The following BBX variants were observed in gnomAD, a reference collection of about 807,000 sequenced individuals.
BBX encodes the protein BBX high mobility group box domain containing.
BBX carries 30 observed loss-of-function variants against 100.2 expected under a neutral mutation model. The ratio of observed to expected loss-of-function variants is 0.30; its 90% confidence interval spans 0.22 to 0.41. The LOEUF (loss-of-function observed/expected upper bound fraction) is 0.41. Ranked by LOEUF, BBX falls within the 10% of genes least tolerant of loss-of-function variation. The probability of loss-of-function intolerance (pLI) is 1.00; values close to 1 mark genes in which losing one functional copy is unlikely to be tolerated. For synonymous variants in BBX, 376 were observed against 388.1 expected (o/e 0.97, Z 0.37); for missense variants, 1,023 against 1,129.8 (o/e 0.91, Z 1.35).
intron 13 of BBX, among the ~76,000 whole-genome samples, chr3:107,788,659 T>C (rs1476792690): frequency 2.0e-5 from 3 of 151,450 alleles, no homozygotes; most frequent in African/African-American, 7.3e-5. Context: ...CCTGTAGTCC[T>C]AGTTACTCAG....
At chr3:107,753,097 C>G (rs1189138544) in intron 9 of BBX, among the ~76,000 whole-genome samples, 1 of 152,030 alleles carries the variant, frequency 6.6e-6, no homozygotes, top group Non-Finnish European at 1.5e-5. Flanking sequence ...GAAGAGCCAG[C>G]AAAGAAGAAC....
chr3:107,731,928 A>G (rs914825738), intron 6 of BBX, among the ~76,000 whole-genome samples: 10 of 152,170 alleles, frequency 6.6e-5, no homozygotes, highest in Non-Finnish European at 1.2e-4. Context: ...ACTAGGAGAG[A>G]TGCCGAGTTA....
At chr3:107,624,989 A>G (rs1336665797) in intron 2 of BBX, among the ~76,000 whole-genome samples, 4 of 152,206 alleles carry the variant, frequency 2.6e-5, no homozygotes, top group African/African-American at 9.6e-5. Context: ...TGATAATTCT[A>G]TTATTTTATT....
chr3:107,615,763 T>C (rs1354670170), intron 2 of BBX, among the ~76,000 whole-genome samples: 1 of 152,136 alleles, frequency 6.6e-6, no homozygotes, highest in Admixed American at 6.5e-5. Flanking sequence ...GATACCTAGA[T>C]TGAGATATTC....
chr3:107,644,399 G>A (rs989311050), intron 2 of BBX, among the ~76,000 whole-genome samples: 21 of 151,762 alleles, frequency 1.4e-4, no homozygotes, highest in African/African-American at 9.7e-5. Flanking sequence ...TTTACTTGAC[G>A]TTTATTTACA....
chr3:107,622,821 A>G (rs1267053433), intron 2 of BBX, among the ~76,000 whole-genome samples: 1 of 152,226 alleles, frequency 6.6e-6, no homozygotes, highest in African/African-American at 2.4e-5. Context: ...TCGTTTTAGT[A>G]GTCAGTCAAC....
At chr3:107,754,926 C>A (rs544665810) in intron 9 of BBX, among the ~76,000 whole-genome samples, 1 of 152,172 alleles carries the variant, frequency 6.6e-6, no homozygotes, top group East Asian at 1.9e-4. Flanking sequence ...TTTATCAATG[C>A]CCAGCCACTT....
intron 2 of BBX, among the ~76,000 whole-genome samples, chr3:107,596,665 G>C (rs1038099513): frequency 6.6e-6 from 1 of 152,160 alleles, no homozygotes; most frequent in African/African-American, 2.4e-5. Context: ...TAATGTTACT[G>C]GTGATTGCCT....
At chr3:107,702,078 C>G (rs2061104356) in intron 3 of BBX, among the ~76,000 whole-genome samples, 1 of 152,164 alleles carries the variant, frequency 6.6e-6, no homozygotes, top group Admixed American at 6.5e-5. Flanking sequence ...TTAGGACCAA[C>G]CTGAGATTGA....
At chr3:107,595,565 T>G (rs919377602) in intron 2 of BBX, among the ~76,000 whole-genome samples, 1 of 151,948 alleles carries the variant, frequency 6.6e-6, no homozygotes, top group African/African-American at 2.4e-5. Context: ...CTTGTGTGAG[T>G]GGTTGGGAAG....
rs753705535 is a variant in BBX, at chr3:107,716,599, G to A, written c.163-8G>A. Reference sequence around the variant, plus strand: ...TTAAAGATCTGGCTTTGTTTTTGGTGGTAATAGGTTCAACTTCTTGGGGCC... The same window carrying A: ...TTAAAGATCTGGCTTTGTTTTTGGTAGTAATAGGTTCAACTTCTTGGGGCC... On this transcript the variant is annotated splice_polypyrimidine_tract_variant and splice_region_variant and intron_variant, in intron 4 of 17. Coordinates refer to ENST00000325805, the MANE Select transcript of BBX (RefSeq NM_001142568.3). The A allele has an allele frequency of 6.2e-7, 1 of 1,611,480 alleles. No homozygotes were observed. The highest frequency in any genetic ancestry group is 1.1e-5 in the South Asian group (1 of 90,960).
chr3:107,661,034 T>C (rs1405785380), intron 3 of BBX, among the ~76,000 whole-genome samples: 1 of 152,198 alleles, frequency 6.6e-6, no homozygotes, highest in African/African-American at 2.4e-5. Flanking sequence ...AATTACAAAG[T>C]TGTAGAAGCA....
At chr3:107,564,183 C>CT (rs1376585951) in intron 2 of BBX, among the ~76,000 whole-genome samples, 1 of 151,950 alleles carries the variant, frequency 6.6e-6, no homozygotes, top group Non-Finnish European at 1.5e-5. Context: ...CTGAAATGAC[C>CT]TGCTTATATG....
Position 107,807,963 on chromosome 3 carries a change from C to T in BBX, c.*2506C>T, listed in dbSNP as rs1487307113. Reference sequence around the variant, plus strand: ...TTATAGTTCCTTAGACTCACCTTGTCGATTCTCTGAGTAAAGTCTTGATTT... The same window carrying T: ...TTATAGTTCCTTAGACTCACCTTGTTGATTCTCTGAGTAAAGTCTTGATTT... On this transcript the variant is annotated 3_prime_UTR_variant, in exon 18 of 18. Transcript: ENST00000325805. 2.0e-5 allele frequency: 3 copies of T among 152,082 alleles called. No homozygotes were observed. The highest frequency in any genetic ancestry group is 1.5e-5 in the Non-Finnish European group (1 of 68,012). 9.4% of individuals were successfully genotyped at this position (152,082 alleles called of 1,614,324 possible). A position where few individuals can be genotyped will look rare whatever the true frequency, so the allele number is the denominator to read the frequency against.
intron 15 of BBX, among the ~76,000 whole-genome samples, chr3:107,792,904 C>T (rs1373308408): frequency 1.3e-5 from 2 of 152,010 alleles, no homozygotes; most frequent in African/African-American, 2.4e-5. Flanking sequence ...ACTGAAAACC[C>T]TACAGAGGTA....
chr3:107,724,273 A>G (rs1244642770), intron 5 of BBX, among the ~76,000 whole-genome samples: 6 of 152,050 alleles, frequency 3.9e-5, no homozygotes, highest in Non-Finnish European at 5.9e-5. Flanking sequence ...TTTCTTGTAA[A>G]TTTGTTTGAG....
intron 2 of BBX, among the ~76,000 whole-genome samples, chr3:107,547,962 G>T (rs1368067993): frequency 6.6e-6 from 1 of 152,126 alleles, no homozygotes; most frequent in Non-Finnish European, 1.5e-5. Flanking sequence ...GCTGATTCCT[G>T]GAATGGTTGC....
intron 5 of BBX, among the ~76,000 whole-genome samples, chr3:107,723,788 A>G (rs1281276229): frequency 6.6e-6 from 1 of 151,980 alleles, no homozygotes; most frequent in Non-Finnish European, 1.5e-5. Context: ...TATGTGCCAC[A>G]TTTTCTTAAT....
intron 2 of BBX, among the ~76,000 whole-genome samples, chr3:107,534,063 G>C (rs188767740): frequency 1.3e-5 from 2 of 152,240 alleles, no homozygotes; most frequent in African/African-American, 4.8e-5. Flanking sequence ...TAAAGTAATA[G>C]CTTTATCTGA....
Sources: gnomAD v4.1 joint callset for allele counts (sites outside exome capture counted in the v4.1 genomes callset) on GRCh38, gnomAD v4.1.1 for gene constraint, MANE v1.5 for transcripts, NCBI Gene and HGNC (gene_info 2026-07-23, HGNC 2026-07-21) for gene names.